Variants in LRP1 observed in about 807,000 individuals in gnomAD.
LRP1 encodes the protein prolow-density lipoprotein receptor-related protein 1.
LRP1 carries 51 observed loss-of-function variants against 541.5 expected under a neutral mutation model. The observed-to-expected ratio is 0.09, with a 90% CI of 0.08 to 0.12. The LOEUF is 0.12. LRP1 is among the 10% of genes least tolerant of loss of function. LRP1 has a pLI of 1.00. For synonymous variants in LRP1, 2,219 were observed against 2,470.8 expected (o/e 0.90, Z 3.02); for missense variants, 3,878 against 6,376.2 (o/e 0.61, Z 13.34).
intron 1 of LRP1, among the ~76,000 whole-genome samples, chr12:57,129,813 G>A (rs1010004800): frequency 2.0e-5 from 3 of 152,258 alleles, no homozygotes; most frequent in South Asian, 2.1e-4. Context: ...GGGTAGGAGG[G>A]TGGGGGAGGC....
chr12:57,153,312 G>A (rs955710683), intron 6 of LRP1, among the ~76,000 whole-genome samples: 1 of 152,044 alleles, frequency 6.6e-6, no homozygotes, highest in African/African-American at 2.4e-5. Flanking sequence ...CTTGACTTCC[G>A]GCCACCCTTG....
At chr12:57,135,414 G>A (rs1182727879) in intron 1 of LRP1, among the ~76,000 whole-genome samples, 2 of 152,146 alleles carry the variant, frequency 1.3e-5, no homozygotes, top group African/African-American at 4.8e-5. Flanking sequence ...GATTATAAGG[G>A]TCCTACCCCG....
rs2036376381 is a variant in LRP1 at position 57,191,413 on chromosome 12, C to A, written c.7330C>A (p.Arg2444=). 5 of 1,613,230 alleles carry A rather than the reference C, an allele frequency of 3.1e-6. No homozygotes were observed. The highest frequency in any genetic ancestry group is 4.2e-6 in the Non-Finnish European group (5 of 1,179,534). ...WTDWVRRAVQ[R]ANKHVGSNMK... The stretch of plus-strand genomic sequence containing the variant: ...TGACTGGGTGCGGCGGGCAGTGCAG[C>A]GGGCCAACAAGCACGTGGGCAGCAA... Residue 2444 remains arginine, a synonymous_variant, in exon 44 of 89, where the codon CGG becomes AGG. Transcript: ENST00000243077.
chr12:57,180,530 C>A (rs1158345925), intron 32 of LRP1, 51 bp downstream of exon 32: 2 of 1,609,436 alleles, frequency 1.2e-6, no homozygotes, highest in East Asian at 2.2e-5. Context: ...CCAGGCCAGA[C>A]CTACTGGGAG....
In LRP1 at chr12:57,183,489, G is replaced by A; in HGVS notation, c.5773G>A (p.Val1925Ile). 6.2e-7 allele frequency: 1 copy of A among 1,613,948 alleles called. No individual in the cohort carries two copies. The highest frequency in any genetic ancestry group is 1.7e-5 in the Admixed American group (1 of 60,018). The change falls in exon 35 of 89, where the codon GTC becomes ATC. Residue 1925 changes from valine (V) to isoleucine (I), a missense_variant. This residue lies in a region of LRP1 where 394 missense variants were observed against 635.9 expected (regional missense o/e 0.62). Coordinates refer to ENST00000243077, the MANE Select transcript of LRP1 (RefSeq NM_002332.3). This position sits in a 1 kb window ranked among gnomAD's most constrained non-coding sequence, Gnocchi z 6.1. ...LVPVSGTSLA[V>I]GIDFHAENDT... ...CCCAGTGTCCGGGACCTCGCTGGCT[G>A]TCGGCATCGACTTCCACGCTGGTGA...
chr12:57,167,412 G>T, intron 18 of LRP1, 32 bp from the exon 19 acceptor site: 1 of 1,481,732 alleles, frequency 6.7e-7, no homozygotes, highest in Non-Finnish European at 9.4e-7. Context: ...TAATCGTGAA[G>T]GCCCTACTCA....
chr12:57,170,910 T>C (rs2035932807), intron 20 of LRP1, among the ~76,000 whole-genome samples: 1 of 152,208 alleles, frequency 6.6e-6, no homozygotes, highest in South Asian at 2.1e-4. Flanking sequence ...CTCTGCCTTA[T>C]AGAGTTAGGG....
chr12:57,171,050 TGTGAAG>T (rs2035935278), intron 20 of LRP1, among the ~76,000 whole-genome samples: 2 of 152,068 alleles, frequency 1.3e-5, no homozygotes, highest in Non-Finnish European at 2.9e-5. Flanking sequence ...GGGCTATCTC[TGTGAAG>T]GGGAGGGTGA....
At chr12:57,190,618 C>T (rs1207041041) in intron 42 of LRP1, among the ~76,000 whole-genome samples, 187 bp from the exon 43 acceptor site, 1 of 152,252 alleles carries the variant, frequency 6.6e-6, no homozygotes, top group African/African-American at 2.4e-5. Flanking sequence ...TCAGCCACCT[C>T]GTGTGTGAAC....
Position 57,178,341 on chromosome 12 carries a change from G to T in LRP1, c.4362-18G>T, listed in dbSNP as rs35933169. 65 of 1,605,116 alleles carry T rather than the reference G, an allele frequency of 4.0e-5. No individual in the cohort carries two copies. The highest frequency in any genetic ancestry group is 5.5e-5 in the Non-Finnish European group (65 of 1,173,610). ...AGATCCCAGCTGGCATCCTCATTCT[G>T]CTCCATCATGCTCTTAGGTCAGATG... On this transcript the variant is annotated intron_variant, in intron 26 of 88. Coordinates refer to ENST00000243077, the MANE Select transcript of LRP1 (RefSeq NM_002332.3). The surrounding 1 kb of genome is among the most constrained non-coding windows in gnomAD (Gnocchi z 5.8).
chr12:57,204,347 G>A lies in LRP1; in HGVS notation c.10952-63G>A. 5 of 1,464,880 alleles carry A rather than the reference G, an allele frequency of 3.4e-6. No homozygotes were observed. Among genetic ancestry groups the A allele is most frequent in the Non-Finnish European group, 4.5e-6 (5 of 1,105,106 alleles). 90.7% of individuals were successfully genotyped at this position (1,464,880 alleles called of 1,614,324 possible). On this transcript the variant is annotated intron_variant, in intron 70 of 88. Coordinates refer to ENST00000243077, the MANE Select transcript of LRP1 (RefSeq NM_002332.3). This position sits in a 1 kb window ranked among gnomAD's most constrained non-coding sequence, Gnocchi z 5.3. ...CCCTCTGAGCCTGGAACCCCCACCT[G>A]TGGAGACAGGGGTCTGGGTGGGCTC...
chr12:57,151,148 A>G (rs57916742), intron 6 of LRP1, among the ~76,000 whole-genome samples: 78,404 of 151,908 alleles, frequency 0.52, 22,573 homozygotes, highest in African/African-American at 0.79. Flanking sequence ...GGTGGGTCCC[A>G]TGTGTTTGGG....
chr12:57,202,099 C>T (rs1211539487), intron 67 of LRP1, among the ~76,000 whole-genome samples, 194 bp downstream of exon 67: 1 of 152,060 alleles, frequency 6.6e-6, no homozygotes, highest in Non-Finnish European at 1.5e-5. Context: ...ACCCGTGCCC[C>T]ATGTCTCCCA....
In LRP1 at chr12:57,204,321, C is replaced by T. The variant is rs899587232; in HGVS notation, c.10952-89C>T. ...GGCTGTGCCACTGCTTGCCTGGTGA[C>T]CCCTCTGAGCCTGGAACCCCCACCT... is the stretch of plus-strand genomic sequence containing the variant. On this transcript the variant is annotated intron_variant, in intron 70 of 88. Transcript: ENST00000243077. The surrounding 1 kb of genome is among the most constrained non-coding windows in gnomAD (Gnocchi z 5.3). The T allele has an allele frequency of 2.9e-6, 4 of 1,390,018 alleles. No homozygotes were observed. 86.1% of individuals were successfully genotyped at this position (1,390,018 alleles called of 1,614,324 possible).
In LRP1 at chr12:57,202,566, G is replaced by A. The variant is rs1158048280; in HGVS notation, c.10711+29G>A. 6.9e-6 allele frequency: 8 copies of A among 1,152,008 alleles called. No homozygotes were observed. The South Asian group carries it at 8.3e-5, about 12-fold the overall frequency. The allele number at this position is 1,152,008 out of a possible 1,614,324, so 71.4% of individuals were successfully genotyped here. ...CGTCCCCACCCACCCAGCCCCGCAT[G>A]AGCCCCTCCCAGGCCTGGCCCTTGT... On this transcript the variant is annotated intron_variant, in intron 68 of 88. Transcript: ENST00000243077.
At chr12:57,210,667 G>T in intron 82 of LRP1, 51 bp from the exon 83 acceptor site, 2 of 1,573,072 alleles carry the variant, frequency 1.3e-6, no homozygotes, top group South Asian at 2.3e-5. Flanking sequence ...CTGCTATAGG[G>T]CCAGGTGGTC....
In LRP1 at chr12:57,173,251, G is replaced by C; in HGVS notation, c.3247G>C (p.Asp1083His). Reference protein sequence around the residue: ...GLCIPLRWRCDGDTDCMDSSD... With the variant: ...GLCIPLRWRCHGDTDCMDSSD... Reference sequence around the variant, plus strand: ...ATGCATCCCCCTGCGGTGGCGCTGCGATGGGGACACTGACTGCATGGACTC... The same window carrying C: ...ATGCATCCCCCTGCGGTGGCGCTGCCATGGGGACACTGACTGCATGGACTC... Residue 1083 changes from aspartate (D) to histidine (H), a missense_variant, in exon 21 of 89, where the codon GAT becomes CAT. This residue lies in a region of LRP1 where 320 missense variants were observed against 547.9 expected (regional missense o/e 0.58). Transcript: ENST00000243077. This position sits in a 1 kb window ranked among gnomAD's most constrained non-coding sequence, Gnocchi z 4.7. The C allele has an allele frequency of 6.2e-7, 1 of 1,614,020 alleles. No homozygotes were observed. Among genetic ancestry groups the C allele is most frequent in the Non-Finnish European group, 8.5e-7 (1 of 1,180,000 alleles).
rs1262040168 is a variant in LRP1 at position 57,183,836 on chromosome 12, C to G, written c.5856C>G (p.Asp1952Glu). The part of the protein sequence containing the change: ...GLSTISRAKR[D>E]QTWREDVVTN... ...GCACGATCAGCCGGGCCAAGCGGGA[C>G]CAGACGTGGCGTGAAGACGTGGTGA... is the stretch of plus-strand genomic sequence containing the variant. Residue 1952 changes from aspartate (D) to glutamate (E), a missense_variant, in exon 36 of 89, where the codon GAC becomes GAG. Physicochemically the swap from Asp to Glu is conservative, Grantham distance 45 (BLOSUM62 2). Transcript: ENST00000243077. The surrounding 1 kb of genome is among the most constrained non-coding windows in gnomAD (Gnocchi z 6.1). 2 of 1,614,054 alleles carry G rather than the reference C, an allele frequency of 1.2e-6. No homozygotes were observed. The highest frequency in any genetic ancestry group is 2.7e-5 in the African/African-American group (2 of 74,918).
At chr12:57,203,690 G>T in intron 70 of LRP1, 169 bp downstream of exon 70, 1 of 888,394 alleles carries the variant, frequency 1.1e-6, no homozygotes, top group South Asian at 1.9e-5. Context: ...GGACGTAGTA[G>T]TAAACAAGAC....
Sources: gnomAD v4.1 joint callset for allele counts (sites outside exome capture counted in the v4.1 genomes callset) on GRCh38, gnomAD v4.1.1 for gene constraint, gnomAD v4.1.1 regional missense constraint, Gnocchi (gnomAD v3.1) non-coding constraint, MANE v1.5 for transcripts, NCBI Gene and HGNC (gene_info 2026-07-23, HGNC 2026-07-21) for gene names.